The following THADA variants were observed in gnomAD, a reference collection of about 807,000 sequenced individuals.
The protein encoded by THADA is tRNA (32-2'-O)-methyltransferase regulator THADA.
Under a neutral mutation model 219.8 loss-of-function variants are expected in THADA, and 213 were observed. The observed-to-expected ratio is 0.97, with a 90% CI of 0.87 to 1.09. The LOEUF (loss-of-function observed/expected upper bound fraction) is 1.09, where lower values mean the gene tolerates loss of function less well. Among genes scored for constraint, THADA ranks in the 50% least tolerant of loss-of-function variants. THADA has a pLI of 0.00. For synonymous variants in THADA, 1,018 were observed against 828.9 expected, an observed-to-expected ratio of 1.23 and a Z score of -3.92; for missense variants, 2,956 against 2,311.3, an observed-to-expected ratio of 1.28 and a Z score of -5.72.
chr2:43,456,264 G>T (rs1302714831), intron 26 of THADA, among the ~76,000 whole-genome samples: 1 of 152,092 alleles, frequency 6.6e-6, no homozygotes, highest in African/African-American at 2.4e-5. Flanking sequence ...CATAAACTAA[G>T]GCAGTTCAAA....
chr2:43,434,808 A>C (rs932946483), intron 26 of THADA, among the ~76,000 whole-genome samples: 3 of 152,264 alleles, frequency 2.0e-5, no homozygotes, highest in Non-Finnish European at 4.4e-5. Flanking sequence ...CCTGGGATAC[A>C]GAAAGCCCTC....
At chr2:43,549,123 C>G (rs547572115) in intron 20 of THADA, 87 bp downstream of exon 20, 1 of 1,179,060 alleles carries the variant, frequency 8.5e-7, no homozygotes, top group Non-Finnish European at 1.1e-6. Context: ...AGATTTGCAA[C>G]CTCTAATTTA....
chr2:43,534,893 T>A (rs1694347479), intron 21 of THADA, among the ~76,000 whole-genome samples: 2 of 152,164 alleles, frequency 1.3e-5, no homozygotes, highest in South Asian at 4.1e-4. Context: ...ACGGTATTTC[T>A]ATGTGTAGTT....
chr2:43,291,454 C>CAAAAAAAAAAAAAAAAAAAAA (rs765352765), intron 34 of THADA, among the ~76,000 whole-genome samples: 26 of 8,084 alleles, frequency 3.2e-3, no homozygotes, highest in Admixed American at 9.5e-3. Context: ...AACTCCATCT[C>CAAAAAAAAAAAAAAAAAAAAA]AAAAAAAAAA....
chr2:43,514,600 T>A (rs1165672605), intron 22 of THADA, among the ~76,000 whole-genome samples: 2 of 99,484 alleles, frequency 2.0e-5, no homozygotes, highest in African/African-American at 8.8e-5. Flanking sequence ...TATGTATATT[T>A]TATATATATT....
chr2:43,470,485 CT>C (rs1472005782), intron 26 of THADA, among the ~76,000 whole-genome samples: 1 of 151,954 alleles, frequency 6.6e-6, no homozygotes, highest in African/African-American at 2.4e-5. Context: ...ACTTAAGCAC[CT>C]CTTAGAAGAT....
intron 36 of THADA, among the ~76,000 whole-genome samples, chr2:43,266,576 CTGGG>C (rs1671543485): frequency 6.6e-6 from 1 of 152,138 alleles, no homozygotes; most frequent in Non-Finnish European, 1.5e-5. Flanking sequence ...GCACTCCAGC[CTGGG>C]CGACAAAGTG....
At chr2:43,412,633 T>C (rs1021874665) in intron 28 of THADA, among the ~76,000 whole-genome samples, 1 of 152,192 alleles carries the variant, frequency 6.6e-6, no homozygotes, top group African/African-American at 2.4e-5. Flanking sequence ...ATTATTCAAA[T>C]GGTTCTTCTG....
rs1216096379 is a variant in THADA, at chr2:43,553,809, T to C, written c.2675-1470A>G. ...TCATCTCTTTTTTAAATTATAGTCA[T>C]CCTATGGGATGTGAAGTGCTTCCTC... On this transcript the variant is annotated intron_variant, in intron 17 of 37. Transcript: ENST00000405975. 3.9e-5 allele frequency among the ~76,000 whole-genome samples: 6 copies of C among 152,322 alleles called. No homozygotes were observed. The East Asian group carries it at 9.6e-4, about 24-fold the overall frequency.
chr2:43,414,480 T>C (rs1030673881), intron 28 of THADA, among the ~76,000 whole-genome samples: 6 of 152,194 alleles, frequency 3.9e-5, no homozygotes, highest in African/African-American at 9.6e-5. Context: ...GTTTGTATGC[T>C]TGAGGTGAGG....
chr2:43,577,759 T>C (rs1700011210), intron 9 of THADA, among the ~76,000 whole-genome samples: 1 of 152,104 alleles, frequency 6.6e-6, no homozygotes, highest in Non-Finnish European at 1.5e-5. Flanking sequence ...GCAAATTTAC[T>C]GAACAATTGA....
intron 28 of THADA, among the ~76,000 whole-genome samples, chr2:43,420,872 A>C (rs2104789394): frequency 6.6e-6 from 1 of 152,350 alleles, no homozygotes; most frequent in East Asian, 1.9e-4. Flanking sequence ...CCCTGGGTAG[A>C]ATTCAGAAAT....
Position 43,586,955 on chromosome 2 carries a change from C to T in THADA, c.350G>A (p.Arg117His), listed in dbSNP as rs200662249. 7.9e-5 allele frequency: 128 copies of T among 1,613,468 alleles called. No homozygotes were observed. The highest frequency in any genetic ancestry group is 3.0e-4 in the Admixed American group (18 of 59,928). The change falls in exon 5 of 38, where the codon CGT (arginine) becomes CAT (histidine). Residue 117 changes from arginine to histidine, a missense_variant. Arg to His is a conservative substitution (Grantham distance 29). Coordinates refer to ENST00000405975, the MANE Select transcript of THADA (RefSeq NM_022065.5). ...PDFFLPEAMH[R>H]FTSRLQEELN... ...TTCTTCCTGAAGACGAGAAGTAAAA[C>T]GGTGCATAGCCTCAGGTAGAAAAAA... is the stretch of plus-strand genomic sequence containing the variant.
intron 1 of THADA, chr2:43,595,543 A>C (rs1308847477): frequency 6.6e-6 from 1 of 152,320 alleles, no homozygotes; most frequent in Non-Finnish European, 1.5e-5. Context: ...ATGATGCCTA[A>C]ACGTGTGTCC....
rs975506975 is a variant in THADA, at chr2:43,293,108, T to C, written c.4544A>G (p.Tyr1515Cys). 9 of 1,613,752 alleles carry C rather than the reference T, an allele frequency of 5.6e-6. No homozygotes were observed. In the African/African-American group the frequency reaches 1.2e-4, roughly 22 times the overall value. Residue 1515 changes from tyrosine (Y) to cysteine (C), a missense_variant, in exon 32 of 38, where the codon TAC (tyrosine) becomes TGC (cysteine). Physicochemically the swap from Tyr to Cys is radical, Grantham distance 194 (BLOSUM62 -2). Transcript: ENST00000405975. ...GGCTAGTCTGGTGAGGCTCTGGAGG[T>C]ACTGGGGCAGGCCTGGCACCTTGAA... ...WAFKVPGLPQ[Y>C]LQSLTRLAIA...
intron 29 of THADA, among the ~76,000 whole-genome samples, chr2:43,392,954 G>C (rs1048595871): frequency 2.0e-5 from 3 of 152,116 alleles, no homozygotes; most frequent in African/African-American, 7.2e-5. Flanking sequence ...GGTCCTATCA[G>C]TTCCTAGATC....
chr2:43,299,427 G>A (rs1675986072), intron 31 of THADA, among the ~76,000 whole-genome samples: 1 of 152,144 alleles, frequency 6.6e-6, no homozygotes, highest in African/African-American at 2.4e-5. Flanking sequence ...GGGAGGCCGA[G>A]GCGGGCAGAT....
At chr2:43,428,016 T>C (rs1273696736) in intron 28 of THADA, 84 bp downstream of exon 28, 4 of 777,278 alleles carry the variant, frequency 5.1e-6, no homozygotes, top group Non-Finnish European at 7.0e-6. Context: ...ATATATAAAA[T>C]AGTTTCTGAA....
In THADA at chr2:43,278,439, G is replaced by A. The variant is rs1354359796; in HGVS notation, c.5296+1326C>T. 4.6e-5 allele frequency among the ~76,000 whole-genome samples: 7 copies of A among 152,142 alleles called. No individual in the cohort carries two copies. The South Asian group carries it at 6.2e-4, about 14-fold the overall frequency. ...TATTATATTCCAACAAATATTTACC[G>A]AACACTTACTAGGCTTTCTGTGTGT... is the stretch of plus-strand genomic sequence containing the variant. On this transcript the variant is annotated intron_variant, in intron 36 of 37. Transcript: ENST00000405975.
Sources: allele counts gnomAD v4.1 joint callset (sites outside exome capture counted in the v4.1 genomes callset), GRCh38; gene constraint gnomAD v4.1.1; transcripts MANE v1.5; gene names NCBI Gene and HGNC (gene_info 2026-07-23, HGNC 2026-07-21).